PALM2AKAP2: variants seen among roughly 807,000 people sequenced by gnomAD.
PALM2AKAP2 encodes the protein PALM2 and AKAP2 fusion.
PALM2AKAP2 carries 37 observed loss-of-function variants against 71.5 expected under a neutral mutation model. That is an observed-to-expected ratio of 0.52 (90% CI 0.40 to 0.68). The LOEUF (loss-of-function observed/expected upper bound fraction) is 0.68. PALM2AKAP2 is among the 30% of genes least tolerant of loss of function. The pLI, the probability that PALM2AKAP2 is intolerant of heterozygous loss-of-function variation, is 0.00. For synonymous variants in PALM2AKAP2, 468 were observed against 478.8 expected (o/e 0.98, Z 0.29); for missense variants, 1,224 against 1,191.8 (o/e 1.03, Z -0.40).
rs1456518979 is a variant in PALM2AKAP2 at position 109,668,096 on chromosome 9, C to CACTACAAAAAATA, written c.5+27230_5+27231insACTACAAAAAATA. Among the ~76,000 whole-genome samples the CACTACAAAAAATA allele has an allele frequency of 6.0e-5, 4 of 66,726 alleles. 1 individual carries two copies. The highest frequency in any genetic ancestry group is 5.5e-5 in the Non-Finnish European group (2 of 36,574). The allele number at this position is 66,726 out of a possible 152,430, so 43.8% of individuals were successfully genotyped here. A position where few individuals can be genotyped will look rare whatever the true frequency, so the allele number is the denominator to read the frequency against. ...GGACTACAGGCGCCCGCCACTACGC[C>CACTACAAAAAATA]CGGCTAATTTTTTGTATTTTTAGTA... On this transcript the variant is annotated intron_variant, in intron 1 of 6. Coordinates refer to the PALM2AKAP2 transcript ENST00000374531.
intron 1 of PALM2AKAP2, among the ~76,000 whole-genome samples, chr9:109,761,280 G>A (rs1386872117): frequency 1.3e-5 from 2 of 152,204 alleles, no homozygotes; most frequent in Non-Finnish European, 2.9e-5. Context: ...CTGAATGTTT[G>A]AAGGCAGATG....
chr9:109,777,316 G>A (rs894026467), upstream of PALM2AKAP2, among the ~76,000 whole-genome samples: 2 of 152,132 alleles, frequency 1.3e-5, no homozygotes, highest in African/African-American at 4.8e-5. Flanking sequence ...TCATCTGAAT[G>A]TCCTCTTGAC....
At chr9:109,680,179 C>T (rs1827707686) in intron 1 of PALM2AKAP2, among the ~76,000 whole-genome samples, 1 of 152,198 alleles carries the variant, frequency 6.6e-6, no homozygotes, top group South Asian at 2.1e-4. Flanking sequence ...TTTCTTCCCA[C>T]CTAGGATATA....
At chr9:109,709,370 C>T (rs1330629504) in intron 1 of PALM2AKAP2, among the ~76,000 whole-genome samples, 1 of 152,220 alleles carries the variant, frequency 6.6e-6, no homozygotes, top group African/African-American at 2.4e-5. Context: ...AGATGGCTGT[C>T]ACTCCATCTT....
intron 1 of PALM2AKAP2, among the ~76,000 whole-genome samples, chr9:109,689,901 C>A (rs535895880): frequency 6.6e-6 from 1 of 152,210 alleles, no homozygotes; most frequent in Non-Finnish European, 1.5e-5. Context: ...CACCACCCAA[C>A]TGAATGACTC....
At chr9:109,992,463 G>C (rs538221640) in intron 6 of PALM2AKAP2, among the ~76,000 whole-genome samples, 1 of 151,908 alleles carries the variant, frequency 6.6e-6, no homozygotes, top group Non-Finnish European at 1.5e-5. Flanking sequence ...TACTTCTGTC[G>C]CCCAGGCTGG....
At chr9:109,764,325 A>G (rs1042659443) in intron 1 of PALM2AKAP2, among the ~76,000 whole-genome samples, 2 of 147,108 alleles carry the variant, frequency 1.4e-5, no homozygotes, top group Admixed American at 1.4e-4. Flanking sequence ...CATCTTGTAC[A>G]TCCTTCTCCA....
At chr9:110,008,825 T>G (rs1386006635) in intron 6 of PALM2AKAP2, among the ~76,000 whole-genome samples, 2 of 149,438 alleles carry the variant, frequency 1.3e-5, no homozygotes, top group African/African-American at 4.9e-5. Flanking sequence ...CAGGGTCATG[T>G]GACCAGTTCT....
intron 3 of PALM2AKAP2, among the ~76,000 whole-genome samples, chr9:110,167,473 T>C (rs566066449): frequency 1.4e-5 from 1 of 73,514 alleles, no homozygotes; most frequent in East Asian, 1.3e-3. Flanking sequence ...TAATCTGGAA[T>C]CTCTTCTTGA....
At chr9:110,114,781 CCCTT>C (rs758743615) in intron 1 of PALM2AKAP2, among the ~76,000 whole-genome samples, 17 of 152,310 alleles carry the variant, frequency 1.1e-4, no homozygotes, top group Middle Eastern at 3.4e-3. Context: ...AAATGGCGAT[CCCTT>C]CCTTGTTTCT....
chr9:110,098,987 G>A (rs1834927489), intron 1 of PALM2AKAP2, among the ~76,000 whole-genome samples: 1 of 152,158 alleles, frequency 6.6e-6, no homozygotes, highest in South Asian at 2.1e-4. Context: ...TTTCAGTTAA[G>A]TGATTACTTT....
intron 1 of PALM2AKAP2, among the ~76,000 whole-genome samples, chr9:109,716,656 A>G (rs1261323014): frequency 6.6e-6 from 1 of 152,186 alleles, no homozygotes; most frequent in Non-Finnish European, 1.5e-5. Context: ...GGGGGAAGGA[A>G]TATTTCTTAG....
intron 3 of PALM2AKAP2, chr9:110,162,119 A>C: frequency 6.2e-6 from 10 of 1,614,062 alleles, no homozygotes; most frequent in Non-Finnish European, 8.5e-6. Context: ...CTGTCTTGCA[A>C]GGTGACTTCC....
In PALM2AKAP2 at chr9:110,084,677, G is replaced by A. The variant is rs564154144; in HGVS notation, c.156+35822G>A. On this transcript the variant is annotated intron_variant, in intron 1 of 3. Coordinates refer to ENST00000374525, the Ensembl canonical transcript of PALM2AKAP2. Reference sequence around the variant, plus strand: ...TATACTGTATTATTTAGGGAATCATGATAAAAAAAAGTCTGTGGGTGTTCA... The same window carrying A: ...TATACTGTATTATTTAGGGAATCATAATAAAAAAAAGTCTGTGGGTGTTCA... Among the ~76,000 whole-genome samples, 30 of 151,970 alleles carry A rather than the reference G, an allele frequency of 2.0e-4. No individual in the cohort carries two copies. The South Asian group carries it at 5.0e-3, about 25-fold the overall frequency.
chr9:109,918,582 T>C (rs532131557), intron 3 of PALM2AKAP2, among the ~76,000 whole-genome samples: 1 of 152,354 alleles, frequency 6.6e-6, no homozygotes, highest in East Asian at 1.9e-4. Flanking sequence ...ACTTGGCTCT[T>C]CCAGAGAAGA....
chr9:110,091,375 C>T (rs954801519), intron 1 of PALM2AKAP2, among the ~76,000 whole-genome samples: 11 of 150,864 alleles, frequency 7.3e-5, no homozygotes, highest in East Asian at 3.9e-4. Flanking sequence ...GTGTGATCCT[C>T]GTTGCTTTTC....
At chr9:109,840,697 C>A (rs576014473) in intron 1 of PALM2AKAP2, among the ~76,000 whole-genome samples, 3 of 152,022 alleles carry the variant, frequency 2.0e-5, no homozygotes, top group Non-Finnish European at 2.9e-5. Flanking sequence ...CCAATCAACA[C>A]GTGGGCAAAG....
rs1215735529 is a variant in PALM2AKAP2, at chr9:109,984,689, T to A, written c.497-31265T>A. ...CTGGGCAGCATAGGAAGAATCTAGCTCTATAACTTTTTTTTTTTTTTTTTT... is the reference window on the plus strand; with the variant it reads ...CTGGGCAGCATAGGAAGAATCTAGCACTATAACTTTTTTTTTTTTTTTTTT... On this transcript the variant is annotated intron_variant, in intron 6 of 9. Transcript: ENST00000302798. Among the ~76,000 whole-genome samples, 4 of 145,156 alleles carry A rather than the reference T, an allele frequency of 2.8e-5. No individual in the cohort carries two copies. In the Admixed American group the frequency reaches 2.8e-4, roughly 10 times the overall value.
chr9:109,819,337 A>G (rs1827930169), intron 1 of PALM2AKAP2, among the ~76,000 whole-genome samples: 2 of 152,236 alleles, frequency 1.3e-5, no homozygotes, highest in Admixed American at 6.5e-5. Context: ...CAGATGAGAA[A>G]TGAAGATAGG....
Sources: gnomAD v4.1 joint callset for allele counts (sites outside exome capture counted in the v4.1 genomes callset) on GRCh38, gnomAD v4.1.1 for gene constraint, MANE v1.5 for transcripts, NCBI Gene and HGNC (gene_info 2026-07-23, HGNC 2026-07-21) for gene names.